The following SOS1 variants were observed in gnomAD, a reference collection of about 807,000 sequenced individuals.
SOS1 encodes son of sevenless homolog 1.
A neutral mutation model predicts 157.6 loss-of-function variants in SOS1; 25 were observed. The observed-to-expected ratio is 0.16, with a 90% CI of 0.12 to 0.22. The LOEUF (loss-of-function observed/expected upper bound fraction) is 0.22, where lower values mean the gene tolerates loss of function less well. Ranked by LOEUF, SOS1 falls within the 10% of genes least tolerant of loss-of-function variation. The probability of loss-of-function intolerance (pLI) is 1.00; values close to 1 mark genes in which losing one functional copy is unlikely to be tolerated. For synonymous variants in SOS1, 528 were observed against 534.0 expected, an observed-to-expected ratio of 0.99 and a Z score of 0.16; for missense variants, 1,237 against 1,599.1, an observed-to-expected ratio of 0.77 and a Z score of 3.86.
At chr2:39,030,870 G>A (rs1327339983) in intron 8 of SOS1, among the ~76,000 whole-genome samples, 2 of 152,098 alleles carry the variant, frequency 1.3e-5, no homozygotes, top group East Asian at 1.9e-4. Flanking sequence ...AGAAAGGAAA[G>A]CGAGATTTGG....
intron 20 of SOS1, chr2:38,992,640 CTACT>C (rs958585248): frequency 2.6e-5 from 4 of 152,118 alleles, no homozygotes; most frequent in Non-Finnish European, 4.4e-5. Context: ...TCATTTTTAG[CTACT>C]TAAACAAAGA....
chr2:39,001,301 A>C (rs895121235), intron 17 of SOS1, among the ~76,000 whole-genome samples: 1 of 152,124 alleles, frequency 6.6e-6, no homozygotes, highest in African/African-American at 2.4e-5. Context: ...GGCCCTAAGC[A>C]ATTCGCTCAC....
At chr2:39,073,845 C>T (rs1018305870) in intron 1 of SOS1, among the ~76,000 whole-genome samples, 13 of 152,176 alleles carry the variant, frequency 8.5e-5, no homozygotes, top group Non-Finnish European at 1.6e-4. Flanking sequence ...GGAAAAGCTT[C>T]TAAATTATGC....
intron 10 of SOS1, among the ~76,000 whole-genome samples, chr2:39,021,614 G>C (rs1669801589): frequency 6.6e-6 from 1 of 150,414 alleles, no homozygotes; most frequent in Non-Finnish European, 1.5e-5. Context: ...ATGAGTCTAG[G>C]AACCCCAAAC....
intron 2 of SOS1, among the ~76,000 whole-genome samples, chr2:39,061,354 A>G (rs934543855): frequency 6.6e-6 from 1 of 151,932 alleles, no homozygotes; most frequent in African/African-American, 2.4e-5. Context: ...GATAAAATAA[A>G]ATTTCTTTCA....
intron 10 of SOS1, among the ~76,000 whole-genome samples, chr2:39,022,239 A>G (rs563005379): frequency 6.6e-6 from 1 of 152,002 alleles, no homozygotes; most frequent in East Asian, 1.9e-4. Context: ...AAAGAAAAAA[A>G]AGATAAAGGA....
At chr2:39,069,592 G>C (rs1394566273) in intron 1 of SOS1, among the ~76,000 whole-genome samples, 1 of 152,042 alleles carries the variant, frequency 6.6e-6, no homozygotes, top group Non-Finnish European at 1.5e-5. Flanking sequence ...CTGTCACCCA[G>C]GCTGGAGTGC....
intron 1 of SOS1, among the ~76,000 whole-genome samples, chr2:39,102,847 C>T (rs1240825060): frequency 6.6e-6 from 1 of 151,936 alleles, no homozygotes; most frequent in African/African-American, 2.4e-5. Flanking sequence ...CCCAACTACT[C>T]AGGAGGCTGA....
intron 1 of SOS1, among the ~76,000 whole-genome samples, chr2:39,097,658 G>A (rs764608828): frequency 6.6e-6 from 1 of 151,840 alleles, no homozygotes; most frequent in Non-Finnish European, 1.5e-5. Context: ...CCCAGGCTTG[G>A]GCTCAAGTGA....
chr2:39,025,356 CTT>C (rs770708245), intron 8 of SOS1, among the ~76,000 whole-genome samples: 2 of 144,484 alleles, frequency 1.4e-5, no homozygotes, highest in Non-Finnish European at 1.5e-5. Flanking sequence ...GTTTATTTTT[CTT>C]TTTTTTTTTT....
At chr2:39,064,512 G>C (rs1191021350) in intron 2 of SOS1, among the ~76,000 whole-genome samples, 1 of 151,886 alleles carries the variant, frequency 6.6e-6, no homozygotes, top group Non-Finnish European at 1.5e-5. Context: ...AAAATAATAA[G>C]GGCCCATTTC....
intron 5 of SOS1, among the ~76,000 whole-genome samples, chr2:39,052,158 C>T (rs1483797147): frequency 6.6e-6 from 1 of 152,152 alleles, no homozygotes; most frequent in African/African-American, 2.4e-5. Context: ...AATAGAGTGA[C>T]TATCCTTTTA....
intron 1 of SOS1, among the ~76,000 whole-genome samples, chr2:39,115,409 T>C (rs1378118070): frequency 1.9e-4 from 27 of 140,608 alleles, no homozygotes; most frequent in East Asian, 4.2e-4. Flanking sequence ...TCTCTCTCTT[T>C]TTTTTTTTTT....
Position 39,022,613 on chromosome 2 carries a change from A to C in SOS1, c.1815T>G (p.Thr605=), listed in dbSNP as rs751909070. 6.2e-7 allele frequency: 1 copy of C among 1,613,432 alleles called. No homozygotes were observed. The highest frequency in any genetic ancestry group is 8.5e-7 in the Non-Finnish European group (1 of 1,179,440). The stretch of plus-strand genomic sequence containing the variant: ...TAAGCCTCTCTATAAGTTTAATAAC[A>C]GTTCCTGCTTTGATAATTGGAATTC... The part of the protein sequence containing the change: ...KAGIPIIKAG[T]VIKLIERLTY... Residue 605 remains threonine (T), a synonymous_variant, in exon 10 of 23, where the codon ACT becomes ACG. Transcript: ENST00000402219.
intron 5 of SOS1, among the ~76,000 whole-genome samples, chr2:39,054,011 T>G (rs1671117028): frequency 6.6e-6 from 1 of 151,876 alleles, no homozygotes; most frequent in South Asian, 2.1e-4. Context: ...CACTGCAAGC[T>G]CCGCCTCCCA....
chr2:39,097,315 A>G (rs918895884), intron 1 of SOS1, among the ~76,000 whole-genome samples: 1 of 152,220 alleles, frequency 6.6e-6, no homozygotes, highest in Admixed American at 6.5e-5. Context: ...AATTTCCTAC[A>G]TATCAGCATA....
intron 19 of SOS1, 22 bp from the exon 20 acceptor site, chr2:38,995,409 C>T: frequency 6.2e-7 from 1 of 1,602,076 alleles, no homozygotes; most frequent in Non-Finnish European, 8.5e-7. Flanking sequence ...TCAAAAGAAA[C>T]ACAATACTTT....
At chr2:39,020,823 C>A (rs1356178687) in intron 10 of SOS1, among the ~76,000 whole-genome samples, 1 of 151,632 alleles carries the variant, frequency 6.6e-6, no homozygotes, top group East Asian at 1.9e-4. Context: ...CTTGTAGACT[C>A]CAGTTTCACC....
intron 1 of SOS1, among the ~76,000 whole-genome samples, chr2:39,101,408 A>G (rs1211555109): frequency 6.6e-6 from 1 of 152,182 alleles, no homozygotes; most frequent in Non-Finnish European, 1.5e-5. Flanking sequence ...TCCAAACTAT[A>G]TCAAACTGCA....
Sources: allele counts gnomAD v4.1 joint callset (sites outside exome capture counted in the v4.1 genomes callset), GRCh38; gene constraint gnomAD v4.1.1; transcripts MANE v1.5; gene names NCBI Gene and HGNC (gene_info 2026-07-23, HGNC 2026-07-21).